Variants in CSE1L observed in about 807,000 individuals in gnomAD.
CSE1L encodes the protein exportin-2.
Under a neutral mutation model 120.4 loss-of-function variants are expected in CSE1L, and 24 were observed. The observed-to-expected ratio is 0.20, with a 90% confidence interval of 0.14 to 0.28. The LOEUF (loss-of-function observed/expected upper bound fraction) is 0.28. Among genes scored for constraint, CSE1L ranks in the 10% least tolerant of loss-of-function variants. CSE1L has a pLI of 1.00. For synonymous variants in CSE1L, 402 were observed against 398.3 expected (o/e 1.01, Z -0.11); for missense variants, 830 against 1,145.2 (o/e 0.72, Z 3.97).
chr20:49,058,853 C>T (rs543151764), intron 2 of CSE1L, among the ~76,000 whole-genome samples: 53 of 152,232 alleles, frequency 3.5e-4, no homozygotes, highest in African/African-American at 1.2e-3. Flanking sequence ...TGCTTTAGGC[C>T]GGATGCGGTG....
intron 1 of CSE1L, among the ~76,000 whole-genome samples, chr20:49,047,036 C>T (rs1478772452): frequency 3.3e-5 from 5 of 152,234 alleles, no homozygotes; most frequent in African/African-American, 1.2e-4. Flanking sequence ...GAATTCTAGT[C>T]GGTACACCCG....
intron 17 of CSE1L, 106 bp downstream of exon 17, chr20:49,088,212 A>T: frequency 1.3e-6 from 1 of 755,558 alleles, no homozygotes; most frequent in East Asian, 2.7e-5. Flanking sequence ...AGGTCTGTGA[A>T]TTCTTCCTGA....
In CSE1L at chr20:49,079,249, A is replaced by C. The variant is rs73611332; in HGVS notation, c.1482+627A>C. Among the ~76,000 whole-genome samples the C allele has an allele frequency of 3.0e-3, 421 of 142,640 alleles. 7 individuals are homozygous for C. Among genetic ancestry groups the C allele is most frequent in the Admixed American group, 0.022 (317 of 14,170 alleles). The allele number at this position is 142,640 out of a possible 152,430, so 93.6% of individuals were successfully genotyped here. On this transcript the variant is annotated intron_variant, in intron 14 of 24. Coordinates refer to ENST00000262982, the MANE Select transcript of CSE1L (RefSeq NM_001316.4). The stretch of plus-strand genomic sequence containing the variant: ...AAAAATTTTTTTTTATTTTTTTGAG[A>C]CGGATCTCACTCTGTCACCCAGGCT...
chr20:49,072,825 A>G (rs896953805), intron 10 of CSE1L, 128 bp downstream of exon 10: 11 of 993,600 alleles, frequency 1.1e-5, no homozygotes, highest in South Asian at 4.6e-5. Context: ...TTTCTAAACC[A>G]AGACAGAAAA....
chr20:49,086,031 T>G (rs1315222341), intron 16 of CSE1L, among the ~76,000 whole-genome samples: 1 of 124,372 alleles, frequency 8.0e-6, no homozygotes, highest in Non-Finnish European at 2.0e-5. Flanking sequence ...TGTGGTAGAC[T>G]CTGCACAAAT....
chr20:49,076,528 T>C lies in CSE1L; in HGVS notation c.1336-452T>C, dbSNP rs1208046684. Among the ~76,000 whole-genome samples, 11 of 141,364 alleles carry C rather than the reference T, an allele frequency of 7.8e-5. No individual in the cohort carries two copies. In the East Asian group the frequency reaches 2.3e-3, roughly 29 times the overall value. The allele number at this position is 141,364 out of a possible 152,430, so 92.7% of individuals were successfully genotyped here. Reference sequence around the variant, plus strand: ...GAAGTGTCCCTCTCTCTCTTTTTTTTTTTTTTTTTTTTTTTTTTTGAGACG... The same window carrying C: ...GAAGTGTCCCTCTCTCTCTTTTTTTCTTTTTTTTTTTTTTTTTTTGAGACG... On this transcript the variant is annotated intron_variant, in intron 12 of 24. Transcript: ENST00000262982.
chr20:49,074,728 TGTAAA>T, intron 10 of CSE1L, 52 bp from the exon 11 acceptor site: 1 of 1,446,946 alleles, frequency 6.9e-7, no homozygotes, highest in East Asian at 2.3e-5. Flanking sequence ...CATTCTCAGC[TGTAAA>T]GTACAGTGAC....
In CSE1L at chr20:49,072,583, A is replaced by G. The variant is rs770508571; in HGVS notation, c.952A>G (p.Ile318Val). Residue 318 changes from isoleucine to valine, a missense_variant, in exon 10 of 25, where the codon ATT (isoleucine) becomes GTT (valine). By Grantham distance (29) the Ile-to-Val change is conservative (BLOSUM62 3). This residue lies in a region of CSE1L where 543 missense variants were observed against 640.2 expected (regional missense o/e 0.85). Transcript: ENST00000262982. ...VKYDLLVSNA[I>V]QFLASVCERP... ...TTTGTTCCAGTTGGTAAGTAATGCAATTCAATTTCTGGCTTCAGTTTGTGA... is the reference window on the plus strand; with the variant it reads ...TTTGTTCCAGTTGGTAAGTAATGCAGTTCAATTTCTGGCTTCAGTTTGTGA... The G allele has an allele frequency of 8.7e-6, 14 of 1,610,840 alleles. No homozygotes were observed. The highest frequency in any genetic ancestry group is 4.0e-5 in the African/African-American group (3 of 74,774).
intron 14 of CSE1L, 120 bp from the exon 15 acceptor site, chr20:49,083,902 TATTA>T: frequency 1.0e-6 from 1 of 957,212 alleles, no homozygotes; most frequent in Non-Finnish European, 1.5e-6. Context: ...CAGCATCTCC[TATTA>T]TAACAGAGCT....
chr20:49,077,872 C>G (rs1283654617), intron 13 of CSE1L, among the ~76,000 whole-genome samples: 1 of 152,034 alleles, frequency 6.6e-6, no homozygotes, highest in African/African-American at 2.4e-5. Flanking sequence ...GGCGTGGTGG[C>G]GTGTGCCTGT....
At chr20:49,082,308 C>T (rs1227353791) in intron 14 of CSE1L, among the ~76,000 whole-genome samples, 4 of 151,534 alleles carry the variant, frequency 2.6e-5, no homozygotes, top group African/African-American at 4.8e-5. Context: ...CCCACCACCA[C>T]GCCCAGCAAT....
At chr20:49,080,271 T>G (rs1478716501) in intron 14 of CSE1L, among the ~76,000 whole-genome samples, 5 of 132,426 alleles carry the variant, frequency 3.8e-5, no homozygotes, top group Non-Finnish European at 8.4e-5. Context: ...ATTTTTTTTG[T>G]TTTTTTTTTT....
chr20:49,076,209 C>A (rs886464159), intron 12 of CSE1L, among the ~76,000 whole-genome samples: 1 of 150,354 alleles, frequency 6.7e-6, no homozygotes, highest in Non-Finnish European at 1.5e-5. Flanking sequence ...TGTTTTGAGA[C>A]GGAGTTTCGC....
rs192118244 is a variant in CSE1L at position 49,058,770 on chromosome 20, C to T, written c.85+222C>T. 3.7e-3 allele frequency among the ~76,000 whole-genome samples: 567 copies of T among 152,168 alleles called. 4 individuals carry two copies. The highest frequency in any genetic ancestry group is 0.013 in the African/African-American group (532 of 41,512). ...TCTGGGATTAAAAAGTACTAGTTTTCGGATAAAAAGTACTGACATGTTTAG... is the reference window on the plus strand; with the variant it reads ...TCTGGGATTAAAAAGTACTAGTTTTTGGATAAAAAGTACTGACATGTTTAG... On this transcript the variant is annotated intron_variant, in intron 2 of 24. Transcript: ENST00000262982.
intron 12 of CSE1L, 103 bp from the exon 13 acceptor site, chr20:49,076,875 TTC>T (rs2091972672): frequency 1.5e-6 from 1 of 649,248 alleles, no homozygotes; most frequent in Non-Finnish European, 2.6e-6. Flanking sequence ...TTTTGAAGTG[TTC>T]ATCTCCATTT....
At chr20:49,063,137 T>TAA in intron 2 of CSE1L, 65 bp from the exon 3 acceptor site, 1 of 836,570 alleles carries the variant, frequency 1.2e-6, no homozygotes, top group Non-Finnish European at 1.7e-6. Context: ...TATATATATA[T>TAA]ATTTGATATA....
chr20:49,061,167 A>ATTTTT (rs3092068), intron 2 of CSE1L, among the ~76,000 whole-genome samples: 2 of 116,308 alleles, frequency 1.7e-5, no homozygotes, highest in Admixed American at 9.8e-5. Flanking sequence ...ACTATTAAAA[A>ATTTTT]TTTTTTTTTT....
At chr20:49,060,898 C>T (rs2091847392) in intron 2 of CSE1L, among the ~76,000 whole-genome samples, 1 of 152,080 alleles carries the variant, frequency 6.6e-6, no homozygotes, top group Non-Finnish European at 1.5e-5. Context: ...CCTGTTTCTT[C>T]AAAACTTACC....
chr20:49,074,875 C>G, intron 11 of CSE1L, 25 bp downstream of exon 11: 1 of 1,584,004 alleles, frequency 6.3e-7, no homozygotes, highest in South Asian at 1.1e-5. Flanking sequence ...TTTTTAGTTA[C>G]TAGTCTCTTA....
Sources: allele counts gnomAD v4.1 joint callset (sites outside exome capture counted in the v4.1 genomes callset), GRCh38; gene constraint gnomAD v4.1.1; regional missense constraint gnomAD v4.1.1; transcripts MANE v1.5; gene names NCBI Gene and HGNC (gene_info 2026-07-23, HGNC 2026-07-21).